The following OSBPL10 variants were observed in gnomAD, a reference collection of about 807,000 sequenced individuals.
The protein encoded by OSBPL10 is oxysterol-binding protein-related protein 10.
OSBPL10 carries 49 observed loss-of-function variants against 81.7 expected under a neutral mutation model. That is an observed-to-expected ratio of 0.60 (90% CI 0.48 to 0.76). The LOEUF (loss-of-function observed/expected upper bound fraction) is 0.76. Among genes scored for constraint, OSBPL10 ranks in the 30% least tolerant of loss-of-function variants. The probability of loss-of-function intolerance (pLI) is 0.00; values close to 1 mark genes in which losing one functional copy is unlikely to be tolerated. For missense variants in OSBPL10, 923 were observed against 987.8 expected, an observed-to-expected ratio of 0.93 and a Z score of 0.88; for synonymous variants, 419 against 383.6, an observed-to-expected ratio of 1.09 and a Z score of -1.08.
rs188109980 is a variant in OSBPL10 at position 31,919,905 on chromosome 3, A to G, written c.282-40075T>C. Among the ~76,000 whole-genome samples, 380 of 152,356 alleles carry G rather than the reference A, an allele frequency of 2.5e-3. 5 individuals carry two copies. Among genetic ancestry groups the G allele is most frequent in the African/African-American group, 8.3e-3 (346 of 41,594 alleles). On this transcript the variant is annotated intron_variant, in intron 1 of 11. Coordinates refer to ENST00000396556, the MANE Select transcript of OSBPL10 (RefSeq NM_017784.5). ...GCACTAATAGTGCAGACTGTGAAAC[A>G]TGGACGTGTTGTTAAGATAATGCAT...
chr3:32,069,792 G>T (rs978955246), intron 1 of OSBPL10, among the ~76,000 whole-genome samples: 2 of 152,164 alleles, frequency 1.3e-5, no homozygotes, highest in South Asian at 4.1e-4. Flanking sequence ...CCACAACCAC[G>T]GCTCCAGCAT....
chr3:32,050,788 A>C (rs545654864), intron 1 of OSBPL10, among the ~76,000 whole-genome samples: 107 of 151,974 alleles, frequency 7.0e-4, no homozygotes, highest in Non-Finnish European at 1.2e-3. Flanking sequence ...CAGCCTCCCA[A>C]GTAGCTAGAA....
At chr3:32,048,029 C>T (rs1405862090) in intron 1 of OSBPL10, among the ~76,000 whole-genome samples, 1 of 152,096 alleles carries the variant, frequency 6.6e-6, no homozygotes, top group Non-Finnish European at 1.5e-5. Flanking sequence ...TGCCGACTTC[C>T]AATATCATCC....
intron 1 of OSBPL10, among the ~76,000 whole-genome samples, chr3:31,926,811 A>G (rs2125713667): frequency 6.6e-6 from 1 of 152,254 alleles, no homozygotes; most frequent in South Asian, 2.1e-4. Context: ...GCCACCTACA[A>G]AATCAAAGGG....
At chr3:31,950,739 T>A (rs746693919) in intron 1 of OSBPL10, among the ~76,000 whole-genome samples, 1 of 152,084 alleles carries the variant, frequency 6.6e-6, no homozygotes, top group Non-Finnish European at 1.5e-5. Context: ...AATAAGTGAG[T>A]TCTCACTCTG....
intron 4 of OSBPL10, among the ~76,000 whole-genome samples, chr3:31,812,119 C>T (rs969595355): frequency 6.6e-6 from 1 of 152,188 alleles, no homozygotes; most frequent in African/African-American, 2.4e-5. Flanking sequence ...CCTCCGCCTG[C>T]CTCCCAGGTT....
chr3:31,722,781 G>T (rs954829543), intron 6 of OSBPL10, among the ~76,000 whole-genome samples: 4 of 152,062 alleles, frequency 2.6e-5, no homozygotes, highest in Non-Finnish European at 5.9e-5. Context: ...ATTCCTGGGG[G>T]TTTCCAGGGT....
intron 2 of OSBPL10, among the ~76,000 whole-genome samples, chr3:31,993,483 C>A (rs1699056681): frequency 6.6e-6 from 1 of 152,176 alleles, no homozygotes; most frequent in Non-Finnish European, 1.5e-5. Context: ...GCTGGGATTA[C>A]AGGCATGAGC....
chr3:32,030,334 G>A (rs1575088738), intron 2 of OSBPL10: 3 of 490,066 alleles, frequency 6.1e-6, no homozygotes, highest in South Asian at 3.6e-5. Flanking sequence ...GGGAATGGGC[G>A]CCGTTCAAAA....
At position 31,660,836 on chromosome 3, in the gene OSBPL10, G is replaced by T. The variant is rs544583385; in HGVS notation, c.*1236C>A. ...CACAGACACAGATATGTATTCAATC[G>T]AAATATATTTGTCTAATATCTACAA... On this transcript the variant is annotated 3_prime_UTR_variant, in exon 12 of 12. Transcript: ENST00000396556. 1.3e-5 allele frequency: 2 copies of T among 152,576 alleles called. No homozygotes were observed. Among genetic ancestry groups the T allele is most frequent in the African/African-American group, 4.8e-5 (2 of 41,418 alleles). The allele number at this position is 152,576 out of a possible 1,614,324, so 9.5% of individuals were successfully genotyped here. A position where few individuals can be genotyped will look rare whatever the true frequency, so the allele number is the denominator to read the frequency against.
intron 6 of OSBPL10, among the ~76,000 whole-genome samples, chr3:31,723,667 A>G (rs1696726439): frequency 6.6e-6 from 1 of 152,190 alleles, no homozygotes; most frequent in Non-Finnish European, 1.5e-5. Flanking sequence ...CAATGCATAG[A>G]GCCATAAGCC....
intron 4 of OSBPL10, among the ~76,000 whole-genome samples, chr3:31,809,117 T>G (rs1699599391): frequency 6.6e-6 from 1 of 152,174 alleles, no homozygotes; most frequent in African/African-American, 2.4e-5. Flanking sequence ...ACAAAATTAT[T>G]AAGAGAAATT....
chr3:31,685,351 T>A (rs1297034899), intron 7 of OSBPL10, among the ~76,000 whole-genome samples: 1 of 152,156 alleles, frequency 6.6e-6, no homozygotes, highest in Non-Finnish European at 1.5e-5. Flanking sequence ...TACAGGCACA[T>A]GCCACCATAC....
At chr3:32,038,869 C>T (rs1699544231) in intron 2 of OSBPL10, among the ~76,000 whole-genome samples, 2 of 152,034 alleles carry the variant, frequency 1.3e-5, no homozygotes, top group South Asian at 4.1e-4. Flanking sequence ...AAAGCAAATC[C>T]TAGGCAAGAA....
intron 4 of OSBPL10, among the ~76,000 whole-genome samples, chr3:31,826,243 A>G (rs1211021673): frequency 6.6e-6 from 1 of 152,168 alleles, no homozygotes; most frequent in Non-Finnish European, 1.5e-5. Flanking sequence ...CACAGTCAAC[A>G]TTTCTTAATA....
intron 4 of OSBPL10, among the ~76,000 whole-genome samples, chr3:31,794,024 G>A (rs1260912606): frequency 2.0e-5 from 3 of 152,218 alleles, no homozygotes; most frequent in Non-Finnish European, 2.9e-5. Flanking sequence ...GCCCCAGGGC[G>A]CTGGGTTGGC....
intron 4 of OSBPL10, among the ~76,000 whole-genome samples, chr3:31,756,492 G>C (rs1697893555): frequency 6.6e-6 from 1 of 152,134 alleles, no homozygotes; most frequent in African/African-American, 2.4e-5. Context: ...CCCACTTCCT[G>C]GAGATAAGTG....
intron 3 of OSBPL10, among the ~76,000 whole-genome samples, chr3:31,873,055 G>A (rs758161828): frequency 5.9e-5 from 9 of 152,182 alleles, no homozygotes; most frequent in East Asian, 3.8e-4. Context: ...AGGGGTCAGC[G>A]AGGAGATTGA....
intron 2 of OSBPL10, among the ~76,000 whole-genome samples, chr3:31,992,704 C>T (rs1179794476): frequency 2.0e-5 from 3 of 152,142 alleles, no homozygotes; most frequent in Non-Finnish European, 1.5e-5. Flanking sequence ...AAAAAACAAA[C>T]AAACCTTGGC....
Sources: gnomAD v4.1 joint callset for allele counts (sites outside exome capture counted in the v4.1 genomes callset) on GRCh38, gnomAD v4.1.1 for gene constraint, MANE v1.5 for transcripts, NCBI Gene and HGNC (gene_info 2026-07-23, HGNC 2026-07-21) for gene names.